DNAH14: variants seen among roughly 807,000 people sequenced by gnomAD.
DNAH14 encodes the protein dynein axonemal heavy chain 14.
A neutral mutation model predicts 520.9 loss-of-function variants in DNAH14; 478 were observed. The ratio of observed to expected loss-of-function variants is 0.92; its 90% confidence interval spans 0.85 to 0.99. The LOEUF is 0.99. Among genes scored for constraint, DNAH14 ranks in the 50% least tolerant of loss-of-function variants. The pLI is 0.00. For synonymous variants in DNAH14, 1,581 were observed against 1,757.2 expected (o/e 0.90, Z 2.51); for missense variants, 4,831 against 5,234.5 (o/e 0.92, Z 2.38).
At position 225,300,950 on chromosome 1, in the gene DNAH14, A is replaced by C; in HGVS notation, c.8551A>C (p.Ile2851Leu). The part of the protein sequence containing the change: ...DLFENVELDS[I>L]AMKIRYLTEQ... ...GTTTGAAAATGTTGAGCTGGATTCT[A>C]TTGCAATGAAAATCAGATATCTTAC... The change falls in exon 56 of 86, where the codon ATT becomes CTT. Residue 2851 changes from isoleucine to leucine, a missense_variant. Physicochemically the swap from Ile to Leu is conservative, Grantham distance 5 (BLOSUM62 2). Coordinates refer to ENST00000682510, the MANE Select transcript of DNAH14 (RefSeq NM_001367479.1). 1 of 1,551,450 alleles carries C rather than the reference A, an allele frequency of 6.4e-7. No homozygotes were observed. The highest frequency in any genetic ancestry group is 8.7e-7 in the Non-Finnish European group (1 of 1,146,838).
chr1:225,207,717 G>A (rs1440430247), intron 41 of DNAH14, among the ~76,000 whole-genome samples: 1 of 152,154 alleles, frequency 6.6e-6, no homozygotes, highest in African/African-American at 2.4e-5. Context: ...TTTTTGGTAA[G>A]ATGGCAGATT....
intron 6 of DNAH14, chr1:224,967,921 G>A: frequency 8.3e-7 from 1 of 1,204,242 alleles, no homozygotes; most frequent in Non-Finnish European, 1.0e-6. Flanking sequence ...ATTCTTTATT[G>A]GCACATTTGT....
In DNAH14 at chr1:225,392,432, T is replaced by C. The variant is rs763207630; in HGVS notation, c.13472T>C (p.Ile4491Thr). Reference sequence around the variant, plus strand: ...GTATTTATGCCAAAGAAACTCAACATAGTCAGGAGAGCGTTTAAGGTACTG... The same window carrying C: ...GTATTTATGCCAAAGAAACTCAACACAGTCAGGAGAGCGTTTAAGGTACTG... Reference protein sequence around the residue: ...FSVFMPKKLNIVRRAFKGSAS... With the variant: ...FSVFMPKKLNTVRRAFKGSAS... The change falls in exon 84 of 86, where the codon ATA (isoleucine) becomes ACA (threonine). Residue 4491 changes from isoleucine (I) to threonine (T), a missense_variant. Coordinates refer to ENST00000682510, the MANE Select transcript of DNAH14 (RefSeq NM_001367479.1). The C allele has an allele frequency of 2.6e-6, 4 of 1,551,728 alleles. No homozygotes were observed. Among genetic ancestry groups the C allele is most frequent in the Non-Finnish European group, 8.7e-7 (1 of 1,147,042 alleles).
At chr1:225,312,785 G>T (rs2094394233) in intron 60 of DNAH14, among the ~76,000 whole-genome samples, 1 of 152,158 alleles carries the variant, frequency 6.6e-6, no homozygotes, top group African/African-American at 2.4e-5. Flanking sequence ...TTGCGTCCAG[G>T]GATGAAGCCA....
intron 43 of DNAH14, among the ~76,000 whole-genome samples, chr1:225,244,595 C>T (rs2092164852): frequency 6.6e-6 from 1 of 152,074 alleles, no homozygotes; most frequent in Admixed American, 6.6e-5. Flanking sequence ...GTGTGTGTGT[C>T]TAGGAATTTA....
intron 41 of DNAH14, among the ~76,000 whole-genome samples, chr1:225,210,275 T>G (rs994216467): frequency 3.9e-5 from 6 of 152,154 alleles, no homozygotes; most frequent in Non-Finnish European, 7.4e-5. Flanking sequence ...AAATTCTTGC[T>G]GCCAGCACAG....
chr1:225,052,875 A>T (rs983719308), intron 17 of DNAH14, among the ~76,000 whole-genome samples: 13 of 152,156 alleles, frequency 8.5e-5, no homozygotes, highest in African/African-American at 3.1e-4. Context: ...GGAGAAAGAG[A>T]CAACATAGGG....
At chr1:224,967,964 C>G in intron 6 of DNAH14, 1 of 1,119,496 alleles carries the variant, frequency 8.9e-7, no homozygotes, top group Non-Finnish European at 1.1e-6. Context: ...AGAAATCCCC[C>G]TTTTACACTC....
chr1:224,994,832 A>G (rs1348925909), intron 8 of DNAH14, among the ~76,000 whole-genome samples: 1 of 151,956 alleles, frequency 6.6e-6, no homozygotes, highest in Non-Finnish European at 1.5e-5. Flanking sequence ...TGGGTCTAGT[A>G]TAGATTTTTG....
At chr1:225,151,918 A>G (rs1358541584) in intron 31 of DNAH14, 87 bp from the exon 32 acceptor site, 36 of 1,097,222 alleles carry the variant, frequency 3.3e-5, no homozygotes, top group Non-Finnish European at 4.8e-5. Context: ...ACACAGCCTT[A>G]ATAAAGCTTC....
At chr1:224,945,928 CG>C (rs2059791661) in intron 1 of DNAH14, among the ~76,000 whole-genome samples, 1 of 152,294 alleles carries the variant, frequency 6.6e-6, no homozygotes, top group Non-Finnish European at 1.5e-5. Context: ...TTAGGCTACT[CG>C]GGGGTCAGGG....
chr1:224,970,742 T>C (rs372491833), intron 7 of DNAH14, among the ~76,000 whole-genome samples: 59 of 152,242 alleles, frequency 3.9e-4, no homozygotes, highest in African/African-American at 1.4e-3. Flanking sequence ...GTCTCAGGGG[T>C]GGCAGATGTG....
At chr1:225,365,375 T>C (rs953672563) in intron 76 of DNAH14, among the ~76,000 whole-genome samples, 2 of 152,188 alleles carry the variant, frequency 1.3e-5, no homozygotes, top group African/African-American at 2.4e-5. Context: ...CAGGGTCCAG[T>C]TGACCAAAAG....
In DNAH14 at chr1:225,009,621, G is replaced by GT. The variant is rs532249768; in HGVS notation, c.1107+2083dup. ...TTGGTTCCATATTAAATTTAAAGTA[G>GT]TTTTTTCTAATTACGTGAAGAAAGT... On this transcript the variant is annotated intron_variant, in intron 10 of 85. Transcript: ENST00000682510. Among the ~76,000 whole-genome samples the GT allele has an allele frequency of 1.7e-4, 26 of 152,262 alleles. 1 individual carries two copies. The South Asian group carries it at 5.4e-3, about 32-fold the overall frequency.
At chr1:225,398,415 G>A (rs1177328300) in intron 84 of DNAH14, 105 bp from the exon 85 acceptor site, 2 of 1,364,152 alleles carry the variant, frequency 1.5e-6, no homozygotes, top group Non-Finnish European at 9.8e-7. Context: ...ACATGCCTTA[G>A]GCAGGATGAG....
chr1:225,335,026 A>G (rs1256290158), intron 66 of DNAH14, among the ~76,000 whole-genome samples: 1 of 149,248 alleles, frequency 6.7e-6, no homozygotes, highest in African/African-American at 2.5e-5. Context: ...ATGTATATAT[A>G]CATACATATA....
chr1:225,315,488 A>T (rs1378466426), intron 60 of DNAH14, among the ~76,000 whole-genome samples: 1 of 152,006 alleles, frequency 6.6e-6, no homozygotes, highest in Non-Finnish European at 1.5e-5. Context: ...CTTGCTAGCA[A>T]GGAGTTGTGA....
At chr1:225,056,509 T>C (rs2069119098) in intron 17 of DNAH14, among the ~76,000 whole-genome samples, 1 of 152,216 alleles carries the variant, frequency 6.6e-6, no homozygotes, top group Non-Finnish European at 1.5e-5. Flanking sequence ...TAGTTTCTTT[T>C]GCTGTGCAAA....
intron 1 of DNAH14, among the ~76,000 whole-genome samples, chr1:224,945,931 G>A (rs1031527585): frequency 6.6e-6 from 1 of 152,296 alleles, no homozygotes; most frequent in Admixed American, 6.5e-5. Flanking sequence ...GGCTACTCGG[G>A]GGTCAGGGAA....
Sources: gnomAD v4.1 joint callset for allele counts (sites outside exome capture counted in the v4.1 genomes callset) on GRCh38, gnomAD v4.1.1 for gene constraint, MANE v1.5 for transcripts, NCBI Gene and HGNC (gene_info 2026-07-23, HGNC 2026-07-21) for gene names.